LINGO1: variants seen among roughly 807,000 people sequenced by gnomAD.
LINGO1 encodes the protein leucine rich repeat and Ig domain containing 1, also known as leucine-rich repeat and immunoglobulin-like domain-containing nogo receptor-interacting protein 1.
A neutral mutation model predicts 37.3 loss-of-function variants in LINGO1; 11 were observed. That is an observed-to-expected ratio of 0.29 (90% CI 0.19 to 0.49). LINGO1 has a LOEUF of 0.49. Ranked by LOEUF, LINGO1 falls within the 20% of genes least tolerant of loss-of-function variation. LINGO1 has a pLI of 0.99. For synonymous variants in LINGO1, 387 were observed against 403.0 expected (o/e 0.96, Z 0.48); for missense variants, 585 against 878.2 (o/e 0.67, Z 4.22).
rs2076995238 is a variant in LINGO1, at chr15:77,810,327, C to CATGCACACACACACAT, written c.-458+9930_-458+9931insATGTGTGTGTGTGCAT. On this transcript the variant is annotated intron_variant, in intron 1 of 5. Coordinates refer to the LINGO1 transcript ENST00000562933. Reference sequence around the variant, plus strand: ...AACTAGGCTCACACACACACATACACATGCACACACACACACATGCACACA... The same window carrying CATGCACACACACACAT: ...AACTAGGCTCACACACACACATACACATGCACACACACACATATGCACACACACACACATGCACACA... 3.3e-5 allele frequency among the ~76,000 whole-genome samples: 5 copies of CATGCACACACACACAT among 150,766 alleles called. No homozygotes were observed. The East Asian group carries it at 9.7e-4, about 29-fold the overall frequency.
Position 77,716,403 on chromosome 15 carries a change from C to T in LINGO1, c.-195+18589G>A, listed in dbSNP as rs560840871. Among the ~76,000 whole-genome samples the T allele has an allele frequency of 1.7e-4, 26 of 148,868 alleles. 4 individuals carry two copies. Among genetic ancestry groups the T allele is most frequent in the Admixed American group, 3.4e-4 (5 of 14,774 alleles). ...TCAATCAATCCTCCCATCCAAGCCT[C>T]GCAAGTAGCTAGGACTACAGGTGTG... On this transcript the variant is annotated intron_variant, in intron 2 of 3. Coordinates refer to the LINGO1 transcript ENST00000561686.
At chr15:77,647,953 G>T (rs754229819) in intron 3 of LINGO1, 12 of 456,456 alleles carry the variant, frequency 2.6e-5, no homozygotes, top group Non-Finnish European at 5.3e-5. Flanking sequence ...GCTAACTGAT[G>T]GATGGACAGT....
At chr15:77,657,021 C>T (rs923004378) in intron 3 of LINGO1, among the ~76,000 whole-genome samples, 14 of 152,300 alleles carry the variant, frequency 9.2e-5, no homozygotes, top group African/African-American at 3.1e-4. Context: ...AAACTCTCCC[C>T]GTGCCCACCC....
At chr15:77,710,714 A>G (rs554137516) in intron 2 of LINGO1, among the ~76,000 whole-genome samples, 2 of 152,386 alleles carry the variant, frequency 1.3e-5, no homozygotes, top group South Asian at 2.1e-4. Flanking sequence ...CACCTCACAC[A>G]GCCCACCTGC....
At chr15:77,777,462 C>CAT (rs1213722973) in intron 1 of LINGO1, among the ~76,000 whole-genome samples, 1 of 126,110 alleles carries the variant, frequency 7.9e-6, no homozygotes, top group Non-Finnish European at 1.6e-5. Context: ...CATATACACA[C>CAT]ACGCACACAC....
chr15:77,777,750 C>T (rs2076676141), intron 1 of LINGO1, among the ~76,000 whole-genome samples: 1 of 152,076 alleles, frequency 6.6e-6, no homozygotes, highest in African/African-American at 2.4e-5. Flanking sequence ...ACTTAGACCC[C>T]ATCTCTCCAA....
chr15:77,806,759 G>C (rs2076963365), intron 1 of LINGO1, among the ~76,000 whole-genome samples: 1 of 152,096 alleles, frequency 6.6e-6, no homozygotes, highest in African/African-American at 2.4e-5. Flanking sequence ...ACAGGCAGAG[G>C]AGGTGAGCGC....
rs937969733 is a variant in LINGO1 at position 77,632,644 on chromosome 15, C to G, written c.-329G>C. 3.4e-5 allele frequency among the ~76,000 whole-genome samples: 5 copies of G among 146,220 alleles called. No individual in the cohort carries two copies. The highest frequency in any genetic ancestry group is 6.1e-5 in the Non-Finnish European group (4 of 65,752). On this transcript the variant is annotated 5_prime_UTR_variant, in exon 1 of 2. Transcript: ENST00000355300. The surrounding 1 kb of genome is among the most constrained non-coding windows in gnomAD (Gnocchi z 6.0). ...CCCTGGGCCGGCCCGGAGCCGCCGC[C>G]GCCGCCTCTGCCGCTGGGGCCGGGG...
chr15:77,817,453 G>A (rs949682730), intron 1 of LINGO1, among the ~76,000 whole-genome samples: 2 of 152,200 alleles, frequency 1.3e-5, no homozygotes, highest in African/African-American at 4.8e-5. Context: ...GCCAGGTTGG[G>A]CGGGAGTGAT....
intron 3 of LINGO1, among the ~76,000 whole-genome samples, chr15:77,674,761 C>T (rs1197681637): frequency 3.3e-5 from 5 of 151,908 alleles, no homozygotes; most frequent in African/African-American, 7.3e-5. Context: ...TTCCCATCCC[C>T]CTCCTCTGCT....
intron 3 of LINGO1, among the ~76,000 whole-genome samples, chr15:77,660,837 T>G (rs1481864473): frequency 1.3e-5 from 2 of 152,074 alleles, no homozygotes. Flanking sequence ...ATGAGATCCC[T>G]GCCTGGAGCA....
intron 1 of LINGO1, among the ~76,000 whole-genome samples, chr15:77,693,917 G>A (rs1484226257): frequency 1.3e-5 from 2 of 152,096 alleles, no homozygotes; most frequent in South Asian, 2.1e-4. Context: ...CAGGACTTCC[G>A]GTCCCTAATG....
At chr15:77,634,849 C>T (rs1451517361), upstream of LINGO1, among the ~76,000 whole-genome samples, 2 of 152,068 alleles carry the variant, frequency 1.3e-5, no homozygotes, top group Non-Finnish European at 2.9e-5. Context: ...AATAGACGCT[C>T]GCTGGCTCCT....
intron 1 of LINGO1, among the ~76,000 whole-genome samples, chr15:77,786,677 C>A (rs2076774340): frequency 6.6e-6 from 1 of 152,194 alleles, no homozygotes; most frequent in Admixed American, 6.5e-5. Flanking sequence ...GGCACCATCT[C>A]CTCGAATGAC....
At chr15:77,779,664 T>C (rs1463131877) in intron 1 of LINGO1, among the ~76,000 whole-genome samples, 1 of 152,158 alleles carries the variant, frequency 6.6e-6, no homozygotes, top group Non-Finnish European at 1.5e-5. Context: ...CAGGCTGTAA[T>C]GCAAGCTATG....
At chr15:77,731,934 G>A (rs2076158098) in intron 2 of LINGO1, among the ~76,000 whole-genome samples, 1 of 152,126 alleles carries the variant, frequency 6.6e-6, no homozygotes, top group African/African-American at 2.4e-5. Flanking sequence ...AACCACAGCA[G>A]CCTGGATACA....
intron 1 of LINGO1, among the ~76,000 whole-genome samples, chr15:77,807,931 G>A (rs2141474054): frequency 6.6e-6 from 1 of 152,266 alleles, no homozygotes; most frequent in East Asian, 1.9e-4. Flanking sequence ...CAGTCTCTGA[G>A]GGAGGGGCCT....
intron 1 of LINGO1, among the ~76,000 whole-genome samples, chr15:77,757,291 G>A (rs2076430117): frequency 1.3e-5 from 2 of 152,240 alleles, no homozygotes; most frequent in South Asian, 2.1e-4. Flanking sequence ...GGTCTGACAG[G>A]ACAGAGAATC....
chr15:77,807,579 CT>C (rs939739426), intron 1 of LINGO1, among the ~76,000 whole-genome samples: 1 of 152,172 alleles, frequency 6.6e-6, no homozygotes, highest in African/African-American at 2.4e-5. Flanking sequence ...GTGTTCCTGC[CT>C]CCCTGCACAC....
Sources: allele counts gnomAD v4.1 joint callset (sites outside exome capture counted in the v4.1 genomes callset), GRCh38; gene constraint gnomAD v4.1.1; non-coding constraint Gnocchi (gnomAD v3.1); transcripts MANE v1.5; gene names NCBI Gene and HGNC (gene_info 2026-07-23, HGNC 2026-07-21).